MFSD6: variants seen among roughly 807,000 people sequenced by gnomAD.
MFSD6 encodes the protein major facilitator superfamily domain containing 6.
MFSD6 carries 26 observed loss-of-function variants against 56.3 expected under a neutral mutation model. The ratio of observed to expected loss-of-function variants is 0.46; its 90% CI spans 0.34 to 0.64. MFSD6 has a LOEUF of 0.64. MFSD6 is among the 30% of genes least tolerant of loss of function. The pLI, the probability that MFSD6 is intolerant of heterozygous loss-of-function variation, is 0.01. For synonymous variants in MFSD6, 331 were observed against 366.9 expected (o/e 0.90, Z 1.12); for missense variants, 750 against 986.2 (o/e 0.76, Z 3.21).
rs1009602583 is a variant in MFSD6, at chr2:190,487,179, A to G, written c.1631-1478A>G. Among the ~76,000 whole-genome samples, 2 of 152,084 alleles carry G rather than the reference A, an allele frequency of 1.3e-5. No homozygotes were observed. The highest frequency in any genetic ancestry group is 3.9e-4 in the East Asian group (2 of 5,192). On this transcript the variant is annotated intron_variant, in intron 4 of 7. Transcript: ENST00000392328. This position sits in a 1 kb window ranked among gnomAD's most constrained non-coding sequence, Gnocchi z 5.5. ...AACGTGGTGAAACCCTGTCTCTACTAAAAATACAAAAATTAGCTGGGGGTG... is the reference window on the plus strand; with the variant it reads ...AACGTGGTGAAACCCTGTCTCTACTGAAAATACAAAAATTAGCTGGGGGTG...
chr2:190,495,068 T>C lies in MFSD6; in HGVS notation c.1892-2371T>C, dbSNP rs1465070417. ...AAAGAGGAAGTCAAACTGTCGCTGT[T>C]TGCTGATGATAAGATTGTATACCTA... On this transcript the variant is annotated intron_variant, in intron 6 of 7. Coordinates refer to ENST00000392328, the MANE Select transcript of MFSD6 (RefSeq NM_017694.4). This position sits in a 1 kb window ranked among gnomAD's most constrained non-coding sequence, Gnocchi z 4.7. Among the ~76,000 whole-genome samples, 2 of 152,124 alleles carry C rather than the reference T, an allele frequency of 1.3e-5. No homozygotes were observed. Among genetic ancestry groups the C allele is most frequent in the Non-Finnish European group, 2.9e-5 (2 of 68,024 alleles).
chr2:190,437,712 T>A lies in MFSD6; in HGVS notation c.1532+151T>A. The A allele has an allele frequency of 1.0e-6, 1 of 1,000,334 alleles. No individual in the cohort carries two copies. Among genetic ancestry groups the A allele is most frequent in the Non-Finnish European group, 1.4e-6 (1 of 704,342 alleles). 62.0% of individuals were successfully genotyped at this position (1,000,334 alleles called of 1,614,324 possible). A position where few individuals can be genotyped will look rare whatever the true frequency, so the allele number is the denominator to read the frequency against. On this transcript the variant is annotated intron_variant, in intron 3 of 7. Transcript: ENST00000392328. This position sits in a 1 kb window ranked among gnomAD's most constrained non-coding sequence, Gnocchi z 5.9. Reference sequence around the variant, plus strand: ...GGGGATTTCTGTTTCTTTTCCTCCTTAAAATAGAAACAAAGGAAAGGAAGT... The same window carrying A: ...GGGGATTTCTGTTTCTTTTCCTCCTAAAAATAGAAACAAAGGAAAGGAAGT...
Position 190,436,413 on chromosome 2 carries a change from T to C in MFSD6, c.384T>C (p.Phe128=). ...TTTGGGGTGTAGTTGCAGACCGCTT[T>C]AAAAAAGGCAAAATTGTCCTCCTCT... The part of the protein sequence containing the change: ...APFWGVVADR[F]KKGKIVLLFS... Residue 128 remains phenylalanine, a synonymous_variant, in exon 3 of 8, where the codon TTT becomes TTC. Coordinates refer to ENST00000392328, the MANE Select transcript of MFSD6 (RefSeq NM_017694.4). The surrounding 1 kb of genome is among the most constrained non-coding windows in gnomAD (Gnocchi z 5.3). The C allele has an allele frequency of 6.2e-7, 1 of 1,614,194 alleles. No individual in the cohort carries two copies. Among genetic ancestry groups the C allele is most frequent in the Non-Finnish European group, 8.5e-7 (1 of 1,180,022 alleles).
At position 190,500,014 on chromosome 2, in the gene MFSD6, G is replaced by A. The variant is rs780857461; in HGVS notation, c.2173-1G>A. 6.2e-7 allele frequency: 1 copy of A among 1,614,096 alleles called. No individual in the cohort carries two copies. The highest frequency in any genetic ancestry group is 8.5e-7 in the Non-Finnish European group (1 of 1,179,982). ...GGGCATCTCCTGTTTTTTACCTCCA[G>A]GGGACCAATGAGAATAGGGAAAATT... On this transcript the variant is annotated splice_acceptor_variant, in intron 7 of 7. Transcript: ENST00000392328. LOFTEE classifies it high-confidence loss of function. This position sits in a 1 kb window ranked among gnomAD's most constrained non-coding sequence, Gnocchi z 5.3.
In MFSD6 at chr2:190,496,657, T is replaced by C. The variant is rs1310351189; in HGVS notation, c.1892-782T>C. The stretch of plus-strand genomic sequence containing the variant: ...GTGTGTATATATATGTATATGTGTA[T>C]ATGTGTGTGTATGTGTGTGTGTATA... On this transcript the variant is annotated intron_variant, in intron 6 of 7. Coordinates refer to ENST00000392328, the MANE Select transcript of MFSD6 (RefSeq NM_017694.4). This position sits in a 1 kb window ranked among gnomAD's most constrained non-coding sequence, Gnocchi z 4.7. Among the ~76,000 whole-genome samples the C allele has an allele frequency of 4.0e-5, 6 of 151,496 alleles. No homozygotes were observed. Among genetic ancestry groups the C allele is most frequent in the African/African-American group, 1.5e-4 (6 of 40,848 alleles).
chr2:190,439,538 C>A lies in MFSD6; in HGVS notation c.1532+1977C>A, dbSNP rs903221842. Among the ~76,000 whole-genome samples the A allele has an allele frequency of 2.0e-5, 3 of 152,144 alleles. No homozygotes were observed. The highest frequency in any genetic ancestry group is 4.4e-5 in the Non-Finnish European group (3 of 68,016). The stretch of plus-strand genomic sequence containing the variant: ...TGCCTTTTGTCTGAGACATATGCAG[C>A]ATTTTCATGATAAAATCCTAGTGGG... On this transcript the variant is annotated intron_variant, in intron 3 of 7. Transcript: ENST00000392328. The surrounding 1 kb of genome is among the most constrained non-coding windows in gnomAD (Gnocchi z 5.8).
intron 1 of MFSD6, among the ~76,000 whole-genome samples, chr2:190,414,593 C>A (rs186383193): frequency 6.6e-6 from 1 of 152,096 alleles, no homozygotes; most frequent in Admixed American, 6.5e-5. Flanking sequence ...ATTCCGTATA[C>A]TGGGAAGCAC....
At chr2:190,419,867 A>G (rs1302877673) in intron 2 of MFSD6, among the ~76,000 whole-genome samples, 1 of 152,196 alleles carries the variant, frequency 6.6e-6, no homozygotes, top group Admixed American at 6.5e-5. Context: ...TTATATTTTC[A>G]CAATAGTTGT....
At position 190,500,539 on chromosome 2, in the gene MFSD6, T is replaced by TA. The variant is rs1689978463; in HGVS notation, c.*323dup. 3.5e-6 allele frequency: 1 copy of TA among 286,634 alleles called. No homozygotes were observed. Among genetic ancestry groups the TA allele is most frequent in the African/African-American group, 2.1e-5 (1 of 46,908 alleles). The allele number at this position is 286,634 out of a possible 1,614,324, so 17.8% of individuals were successfully genotyped here. ...TAAGAGTTGAAACCGGCAGTTACAC[T>TA]AAGTAAGTGGAGGGAATGAAAGTGT... On this transcript the variant is annotated 3_prime_UTR_variant, in exon 8 of 8. Transcript: ENST00000392328. The surrounding 1 kb of genome is among the most constrained non-coding windows in gnomAD (Gnocchi z 5.3).
At position 190,492,109 on chromosome 2, in the gene MFSD6, A is replaced by G. The variant is rs1689396454; in HGVS notation, c.1891+2243A>G. Among the ~76,000 whole-genome samples the G allele has an allele frequency of 6.6e-6, 1 of 152,194 alleles. No homozygotes were observed. Among genetic ancestry groups the G allele is most frequent in the Non-Finnish European group, 1.5e-5 (1 of 68,032 alleles). ...TTGAATTAATCCAACGAAGACAAAG[A>G]AAAAAGAATTTTAAAAAATGAACAA... On this transcript the variant is annotated intron_variant, in intron 6 of 7. Transcript: ENST00000392328. This position sits in a 1 kb window ranked among gnomAD's most constrained non-coding sequence, Gnocchi z 5.2.
rs1328872232 is a variant in MFSD6, at chr2:190,488,130, T to C, written c.1631-527T>C. On this transcript the variant is annotated intron_variant, in intron 4 of 7. Transcript: ENST00000392328. The surrounding 1 kb of genome is among the most constrained non-coding windows in gnomAD (Gnocchi z 6.4). Reference sequence around the variant, plus strand: ...GTTGGCCAGGATGGTCTCAATCTCCTGACCTCGTGATCCACCCGCCTCGGC... The same window carrying C: ...GTTGGCCAGGATGGTCTCAATCTCCCGACCTCGTGATCCACCCGCCTCGGC... Among the ~76,000 whole-genome samples, 1 of 152,212 alleles carries C rather than the reference T, an allele frequency of 6.6e-6. No homozygotes were observed.
intron 2 of MFSD6, among the ~76,000 whole-genome samples, chr2:190,429,803 A>C (rs4853702): frequency 0.45 from 68,951 of 151,836 alleles, 16,067 homozygotes; most frequent in Admixed American, 0.61. Flanking sequence ...TCATTTTTGT[A>C]TATGATGTCA....
chr2:190,493,277 A>C (rs1258306941), intron 6 of MFSD6, among the ~76,000 whole-genome samples: 3 of 152,158 alleles, frequency 2.0e-5, no homozygotes, highest in Admixed American at 6.5e-5. Flanking sequence ...GCAGTTAAAA[A>C]AGACAAAGGG....
chr2:190,440,951 C>T (rs1335493407), intron 3 of MFSD6, among the ~76,000 whole-genome samples: 1 of 152,158 alleles, frequency 6.6e-6, no homozygotes, highest in Non-Finnish European at 1.5e-5. Context: ...TGGGCTTCAG[C>T]ACAGCCAAGG....
At chr2:190,470,984 T>C (rs1687889858) in intron 4 of MFSD6, among the ~76,000 whole-genome samples, 1 of 152,152 alleles carries the variant, frequency 6.6e-6, no homozygotes, top group Non-Finnish European at 1.5e-5. Context: ...TGTTTACAAA[T>C]ATATAGAAAA....
chr2:190,446,656 G>A (rs1028680476), intron 3 of MFSD6, among the ~76,000 whole-genome samples: 1 of 152,100 alleles, frequency 6.6e-6, no homozygotes, highest in East Asian at 1.9e-4. Context: ...CATGGACTAC[G>A]AACTAGAAAT....
In MFSD6 at chr2:190,433,901, T is replaced by C. The variant is rs1420041108; in HGVS notation, c.-53-2076T>C. Among the ~76,000 whole-genome samples, 2 of 151,814 alleles carry C rather than the reference T, an allele frequency of 1.3e-5. No homozygotes were observed. Among genetic ancestry groups the C allele is most frequent in the African/African-American group, 4.8e-5 (2 of 41,318 alleles). On this transcript the variant is annotated intron_variant, in intron 2 of 7. Coordinates refer to ENST00000392328, the MANE Select transcript of MFSD6 (RefSeq NM_017694.4). The surrounding 1 kb of genome is among the most constrained non-coding windows in gnomAD (Gnocchi z 4.5). ...TGATATTTTTCTCTAGTAAAGAAAGTGAAAGGAGGCAGGGTGCAGTGGTTC... is the reference window on the plus strand; with the variant it reads ...TGATATTTTTCTCTAGTAAAGAAAGCGAAAGGAGGCAGGGTGCAGTGGTTC...
intron 2 of MFSD6, among the ~76,000 whole-genome samples, chr2:190,435,046 G>A (rs1426976477): frequency 6.6e-6 from 1 of 152,210 alleles, no homozygotes; most frequent in African/African-American, 2.4e-5. Context: ...CTGAAGTGGA[G>A]CAGTTCATCC....
rs959705701 is a variant in MFSD6, at chr2:190,439,404, A to G, written c.1532+1843A>G. On this transcript the variant is annotated intron_variant, in intron 3 of 7. Coordinates refer to ENST00000392328, the MANE Select transcript of MFSD6 (RefSeq NM_017694.4). This position sits in a 1 kb window ranked among gnomAD's most constrained non-coding sequence, Gnocchi z 5.8. ...TTTATTATACTTTAAGTTTTAGGGT[A>G]CACGTGCACAACGTGCAGATTTGTT... Among the ~76,000 whole-genome samples, 2 of 152,046 alleles carry G rather than the reference A, an allele frequency of 1.3e-5. No individual in the cohort carries two copies. Among genetic ancestry groups the G allele is most frequent in the Non-Finnish European group, 2.9e-5 (2 of 68,032 alleles).
Sources: gnomAD v4.1 joint callset for allele counts (sites outside exome capture counted in the v4.1 genomes callset) on GRCh38, gnomAD v4.1.1 for gene constraint, Gnocchi (gnomAD v3.1) non-coding constraint, MANE v1.5 for transcripts, NCBI Gene and HGNC (gene_info 2026-07-23, HGNC 2026-07-21) for gene names.